Variants in CDH13 observed in about 807,000 individuals in gnomAD.
CDH13 encodes cadherin 13, also known as cadherin-13.
CDH13 carries 24 observed loss-of-function variants against 63.8 expected under a neutral mutation model. The observed-to-expected ratio is 0.38, with a 90% CI of 0.27 to 0.53. CDH13 has a LOEUF of 0.53. Ranked by LOEUF, CDH13 falls within the 20% of genes least tolerant of loss-of-function variation. The pLI is 0.85. For synonymous variants in CDH13, 503 were observed against 355.3 expected, an observed-to-expected ratio of 1.42 and a Z score of -4.67; for missense variants, 1,049 against 903.1, an observed-to-expected ratio of 1.16 and a Z score of -2.07.
chr16:82,828,165 ATTTCTGGAGC>A (rs2038345228), intron 1 of CDH13, among the ~76,000 whole-genome samples: 1 of 152,154 alleles, frequency 6.6e-6, no homozygotes, highest in African/African-American at 2.4e-5. Context: ...TCACAGAACC[ATTTCTGGAGC>A]TGTGTTGAGG....
chr16:82,946,039 T>G (rs1288812548), intron 2 of CDH13, among the ~76,000 whole-genome samples: 1 of 152,150 alleles, frequency 6.6e-6, no homozygotes, highest in Non-Finnish European at 1.5e-5. Flanking sequence ...TGGCGTCTTA[T>G]AACTTTATAT....
chr16:83,491,732 T>C (rs2074018244), intron 7 of CDH13, among the ~76,000 whole-genome samples: 1 of 152,192 alleles, frequency 6.6e-6, no homozygotes, highest in Non-Finnish European at 1.5e-5. Context: ...TTATCTATTA[T>C]CTTCCAGATA....
At chr16:83,162,191 C>T (rs529299758) in intron 4 of CDH13, among the ~76,000 whole-genome samples, 1 of 152,218 alleles carries the variant, frequency 6.6e-6, no homozygotes, top group South Asian at 2.1e-4. Flanking sequence ...AAGAAACATT[C>T]ACGTGTTCCA....
intron 6 of CDH13, among the ~76,000 whole-genome samples, chr16:83,431,121 T>C (rs906558485): frequency 3.9e-5 from 6 of 151,918 alleles, no homozygotes; most frequent in Non-Finnish European, 7.4e-5. Flanking sequence ...TCCAGTTTCA[T>C]CCATGTCCCT....
intron 10 of CDH13, among the ~76,000 whole-genome samples, chr16:83,747,489 C>G (rs1054492781): frequency 2.0e-5 from 3 of 152,078 alleles, no homozygotes; most frequent in Admixed American, 6.6e-5. Flanking sequence ...AAAACTCTTT[C>G]TTTTGTAAAT....
At chr16:82,700,843 A>G (rs2030896999) in intron 1 of CDH13, among the ~76,000 whole-genome samples, 1 of 151,674 alleles carries the variant, frequency 6.6e-6, no homozygotes, top group Admixed American at 6.6e-5. Flanking sequence ...CCGCTATCCC[A>G]AATGATTACT....
intron 1 of CDH13, among the ~76,000 whole-genome samples, chr16:82,693,574 G>C (rs372144091): frequency 6.6e-6 from 1 of 152,188 alleles, no homozygotes; most frequent in East Asian, 1.9e-4. Flanking sequence ...ATTAAACCCT[G>C]TATAAGAACC....
intron 3 of CDH13, among the ~76,000 whole-genome samples, chr16:83,060,660 G>C (rs2031452950): frequency 6.6e-6 from 1 of 152,242 alleles, no homozygotes; most frequent in African/African-American, 2.4e-5. Flanking sequence ...GAGCCTGCAT[G>C]CCTAACCGCA....
chr16:83,529,234 G>A (rs574427724), intron 7 of CDH13, among the ~76,000 whole-genome samples: 8 of 152,096 alleles, frequency 5.3e-5, no homozygotes, highest in South Asian at 2.1e-4. Context: ...TCCAGTGTAC[G>A]TGGATTGGAA....
chr16:83,154,165 C>T (rs182353371), intron 4 of CDH13, among the ~76,000 whole-genome samples: 1 of 152,210 alleles, frequency 6.6e-6, no homozygotes, highest in African/African-American at 2.4e-5. Context: ...CCACCTTTGT[C>T]GTTTGCCATG....
At chr16:83,352,860 A>C (rs1355605842) in intron 6 of CDH13, among the ~76,000 whole-genome samples, 1 of 152,248 alleles carries the variant, frequency 6.6e-6, no homozygotes, top group African/African-American at 2.4e-5. Flanking sequence ...ACTGCACTCC[A>C]GCCTGGGCGA....
intron 6 of CDH13, among the ~76,000 whole-genome samples, chr16:83,392,008 A>G (rs915628317): frequency 6.6e-6 from 1 of 152,190 alleles, no homozygotes; most frequent in South Asian, 2.1e-4. Context: ...AGCTCCATGC[A>G]TCGCGGGGTG....
chr16:83,245,366 T>A (rs1904887010), intron 5 of CDH13, among the ~76,000 whole-genome samples: 1 of 152,228 alleles, frequency 6.6e-6, no homozygotes, highest in African/African-American at 2.4e-5. Context: ...AAGGACAGTT[T>A]AAAAATTTAT....
chr16:83,307,882 A>G (rs2089915173), intron 5 of CDH13, among the ~76,000 whole-genome samples: 1 of 152,216 alleles, frequency 6.6e-6, no homozygotes, highest in African/African-American at 2.4e-5. Context: ...ATATGGCAGC[A>G]CTTCCATGCT....
intron 8 of CDH13, among the ~76,000 whole-genome samples, chr16:83,655,790 G>A (rs911325052): frequency 2.0e-5 from 3 of 152,188 alleles, no homozygotes; most frequent in African/African-American, 7.2e-5. Context: ...TTGAATCAAT[G>A]AATCATGTTT....
At chr16:83,768,875 T>C (rs1422767479) in intron 11 of CDH13, among the ~76,000 whole-genome samples, 1 of 152,132 alleles carries the variant, frequency 6.6e-6, no homozygotes, top group African/African-American at 2.4e-5. Context: ...AAGGTCTTTA[T>C]AACCTATATC....
intron 7 of CDH13, among the ~76,000 whole-genome samples, chr16:83,568,350 A>G (rs898272474): frequency 5.3e-5 from 8 of 152,206 alleles, no homozygotes; most frequent in African/African-American, 1.9e-4. Context: ...GGAAGAAAAC[A>G]CAGGATGAAA....
chr16:82,737,446 C>G (rs10514561), intron 1 of CDH13, among the ~76,000 whole-genome samples: 6,375 of 152,248 alleles, frequency 0.042, 159 homozygotes, highest in African/African-American at 0.054. Flanking sequence ...TCCCACTGAA[C>G]AAAAGAAATA....
chr16:82,946,478 G>C (rs960641223), intron 2 of CDH13, among the ~76,000 whole-genome samples: 1 of 152,076 alleles, frequency 6.6e-6, no homozygotes, highest in Non-Finnish European at 1.5e-5. Flanking sequence ...CCAGCACTTT[G>C]TGAGGCCAAG....
Sources: allele counts gnomAD v4.1 joint callset (sites outside exome capture counted in the v4.1 genomes callset), GRCh38; gene constraint gnomAD v4.1.1; transcripts MANE v1.5; gene names NCBI Gene and HGNC (gene_info 2026-07-23, HGNC 2026-07-21).